KIAA0040: variants seen among roughly 807,000 people sequenced by gnomAD.
The protein encoded by KIAA0040 is uncharacterized protein KIAA0040.
A neutral mutation model predicts 7.2 loss-of-function variants in KIAA0040; 10 were observed. That is an observed-to-expected ratio of 1.38 (90% CI 0.85 to 2.34). KIAA0040 has a LOEUF of 2.34. Among genes scored for constraint, KIAA0040 ranks in the 30% most tolerant of loss-of-function variants. The pLI is 0.00. For missense variants in KIAA0040, 89 were observed against 108.2 expected, an observed-to-expected ratio of 0.82 and a Z score of 0.79; for synonymous variants, 49 against 40.1, an observed-to-expected ratio of 1.22 and a Z score of -0.84.
intron 1 of KIAA0040, 54 bp from the exon 2 acceptor site, chr1:175,177,738 T>G (rs1177626970): frequency 1.3e-5 from 2 of 152,122 alleles, no homozygotes; most frequent in Non-Finnish European, 2.9e-5. Context: ...GGAGGGAAAT[T>G]GGGGGCAGTG....
intron 1 of KIAA0040, among the ~76,000 whole-genome samples, chr1:175,181,715 G>A (rs1677445524): frequency 6.6e-6 from 1 of 152,218 alleles, no homozygotes; most frequent in Non-Finnish European, 1.5e-5. Context: ...TAGCAAGGAG[G>A]GAGACGTTAA....
Position 175,168,274 on chromosome 1 carries a change from A to G in KIAA0040, c.-309-1537T>C, listed in dbSNP as rs903846154. Among the ~76,000 whole-genome samples the G allele has an allele frequency of 1.6e-4, 24 of 152,324 alleles. 1 individual carries two copies. The highest frequency in any genetic ancestry group is 1.2e-3 in the Admixed American group (18 of 15,302). On this transcript the variant is annotated intron_variant, in intron 2 of 3. Coordinates refer to ENST00000423313, the MANE Select transcript of KIAA0040 (RefSeq NM_014656.3). ...ACAGTAAATGATCTGCTTGTAGAACATTACATTTATTACTTAGACCCAGCT... is the reference window on the plus strand; with the variant it reads ...ACAGTAAATGATCTGCTTGTAGAACGTTACATTTATTACTTAGACCCAGCT...
At chr1:175,181,120 G>C (rs1387366113) in intron 1 of KIAA0040, among the ~76,000 whole-genome samples, 1 of 152,150 alleles carries the variant, frequency 6.6e-6, no homozygotes, top group African/African-American at 2.4e-5. Context: ...CCAAAGTGCT[G>C]AGAGTACAGG....
At chr1:175,174,232 C>A (rs1195685581) in intron 2 of KIAA0040, among the ~76,000 whole-genome samples, 1 of 152,208 alleles carries the variant, frequency 6.6e-6, no homozygotes, top group Non-Finnish European at 1.5e-5. Flanking sequence ...AAAAGGCAAG[C>A]CTCACATAGC....
intron 2 of KIAA0040, among the ~76,000 whole-genome samples, chr1:175,173,584 A>G (rs1677069784): frequency 6.6e-6 from 1 of 152,200 alleles, no homozygotes; most frequent in South Asian, 2.1e-4. Flanking sequence ...TCCTACTGTA[A>G]CCACCATTCT....
rs73032679 is a variant in KIAA0040, at chr1:175,171,142, G to A, written c.-309-4405C>T. 8.6e-3 allele frequency among the ~76,000 whole-genome samples: 1,314 copies of A among 152,246 alleles called. 27 individuals are homozygous for A. The highest frequency in any genetic ancestry group is 0.03 in the African/African-American group (1,254 of 41,528). ...TACATTTTCATACAAATTTCCTCCCGTGTTACCTTATCAGGAGGCCTTTTT... is the reference window on the plus strand; with the variant it reads ...TACATTTTCATACAAATTTCCTCCCATGTTACCTTATCAGGAGGCCTTTTT... On this transcript the variant is annotated intron_variant, in intron 2 of 3. Coordinates refer to ENST00000423313, the MANE Select transcript of KIAA0040 (RefSeq NM_014656.3).
At chr1:175,191,161 C>G (rs1268923153) in intron 1 of KIAA0040, among the ~76,000 whole-genome samples, 1 of 152,228 alleles carries the variant, frequency 6.6e-6, no homozygotes, top group East Asian at 1.9e-4. Flanking sequence ...GAAACCATCT[C>G]ATTATCTTTG....
At chr1:175,174,949 G>A (rs1346644187) in intron 2 of KIAA0040, among the ~76,000 whole-genome samples, 4 of 152,160 alleles carry the variant, frequency 2.6e-5, no homozygotes, top group South Asian at 2.1e-4. Context: ...AAAGGATTTT[G>A]GAGCCAATGT....
intron 1 of KIAA0040, among the ~76,000 whole-genome samples, chr1:175,179,331 A>T (rs1219378898): frequency 6.6e-6 from 1 of 152,042 alleles, no homozygotes; most frequent in East Asian, 1.9e-4. Flanking sequence ...CTTTTACCTG[A>T]TCTTGCTTGT....
intron 1 of KIAA0040, among the ~76,000 whole-genome samples, chr1:175,186,335 T>TA (rs1334137480): frequency 6.6e-6 from 1 of 152,272 alleles, no homozygotes; most frequent in Non-Finnish European, 1.5e-5. Flanking sequence ...CTTTACTGTG[T>TA]ATTTATTCAT....
chr1:175,159,511 A>G lies in KIAA0040; in HGVS notation c.*1203T>C, dbSNP rs923998424. ...GTGCAAGGCACTTGCCTGAGCTTCA[A>G]TATAAATATAAATAAACCTCTTTAT... On this transcript the variant is annotated 3_prime_UTR_variant, in exon 4 of 4. Transcript: ENST00000423313. The G allele has an allele frequency of 2.0e-5, 3 of 152,272 alleles. No homozygotes were observed. The highest frequency in any genetic ancestry group is 6.5e-5 in the Admixed American group (1 of 15,280). 9.4% of individuals were successfully genotyped at this position (152,272 alleles called of 1,614,324 possible). A position where few individuals can be genotyped will look rare whatever the true frequency, so the allele number is the denominator to read the frequency against.
chr1:175,171,560 A>C (rs1309585935), intron 2 of KIAA0040, among the ~76,000 whole-genome samples: 1 of 152,250 alleles, frequency 6.6e-6, no homozygotes, highest in Non-Finnish European at 1.5e-5. Context: ...GCTGGACTTT[A>C]ATGATAATTA....
At chr1:175,173,934 A>G (rs770893913) in intron 2 of KIAA0040, among the ~76,000 whole-genome samples, 1 of 151,896 alleles carries the variant, frequency 6.6e-6, no homozygotes, top group Admixed American at 6.5e-5. Flanking sequence ...CAAATTCTCA[A>G]TCTTCAGCTA....
intron 2 of KIAA0040, among the ~76,000 whole-genome samples, chr1:175,168,193 T>C (rs1225121113): frequency 1.3e-5 from 2 of 152,346 alleles, no homozygotes; most frequent in Admixed American, 6.5e-5. Context: ...TAACCTGGCA[T>C]GCTCAGGTGC....
rs940882007 is a variant in KIAA0040 at position 175,160,467 on chromosome 1, A to G, written c.*247T>C. 4 of 482,580 alleles carry G rather than the reference A, an allele frequency of 8.3e-6. No individual in the cohort carries two copies. Among genetic ancestry groups the G allele is most frequent in the Admixed American group, 3.8e-5 (1 of 26,480 alleles). 29.9% of individuals were successfully genotyped at this position (482,580 alleles called of 1,614,324 possible). On this transcript the variant is annotated 3_prime_UTR_variant, in exon 4 of 4. Coordinates refer to ENST00000423313, the MANE Select transcript of KIAA0040 (RefSeq NM_014656.3). ...GGTATGCCAGAGACAGGTGGGAGGC[A>G]TGCCTGGGTCTGCAGTAAGGAGCAT...
At chr1:175,173,971 C>G (rs1677084021) in intron 2 of KIAA0040, among the ~76,000 whole-genome samples, 1 of 152,198 alleles carries the variant, frequency 6.6e-6, no homozygotes, top group Non-Finnish European at 1.5e-5. Flanking sequence ...ACACTAACCT[C>G]CCACATGGCC....
chr1:175,183,914 G>T (rs1187609785), intron 1 of KIAA0040, among the ~76,000 whole-genome samples: 1 of 152,172 alleles, frequency 6.6e-6, no homozygotes, highest in Non-Finnish European at 1.5e-5. Flanking sequence ...AAAGCCTCTA[G>T]TGTAGTGTCA....
At chr1:175,191,369 T>C (rs1677858302) in intron 1 of KIAA0040, among the ~76,000 whole-genome samples, 1 of 152,224 alleles carries the variant, frequency 6.6e-6, no homozygotes, top group Admixed American at 6.5e-5. Context: ...TGACAATGCA[T>C]GGAGGCCAAA....
intron 3 of KIAA0040, among the ~76,000 whole-genome samples, chr1:175,162,638 G>T (rs1676591923): frequency 6.6e-6 from 1 of 152,184 alleles, no homozygotes; most frequent in Non-Finnish European, 1.5e-5. Context: ...GCATACATGT[G>T]CAGCCCTCCT....
Sources: allele counts gnomAD v4.1 joint callset (sites outside exome capture counted in the v4.1 genomes callset), GRCh38; gene constraint gnomAD v4.1.1; transcripts MANE v1.5; gene names NCBI Gene and HGNC (gene_info 2026-07-23, HGNC 2026-07-21).